The following RFLNA variants were observed in gnomAD, a reference collection of about 807,000 sequenced individuals.
RFLNA encodes the protein refilin A.
RFLNA carries 5 observed loss-of-function variants against 7.8 expected under a neutral mutation model. That is an observed-to-expected ratio of 0.64 (90% confidence interval 0.34 to 1.35). The LOEUF is 1.35. Among genes scored for constraint, RFLNA ranks in the 40% most tolerant of loss-of-function variants. The pLI is 0.04. For missense variants in RFLNA, 278 were observed against 305.5 expected (o/e 0.91, Z 0.67); for synonymous variants, 141 against 131.3 (o/e 1.07, Z -0.50).
At chr12:124,307,669 G>T (rs11057579) in intron 1 of RFLNA, among the ~76,000 whole-genome samples, 7,494 of 152,290 alleles carry the variant, frequency 0.049, 261 homozygotes, top group East Asian at 0.15. Flanking sequence ...CTTCACGGAG[G>T]GCTGGGCGGC....
At chr12:124,296,654 G>C (rs546320250) in intron 1 of RFLNA, among the ~76,000 whole-genome samples, 1 of 152,334 alleles carries the variant, frequency 6.6e-6, no homozygotes, top group Non-Finnish European at 1.5e-5. Context: ...GCGGAAAGGA[G>C]CGGCTCCCCG....
intron 1 of RFLNA, among the ~76,000 whole-genome samples, chr12:124,301,635 C>T (rs1010810459): frequency 2.6e-5 from 4 of 152,086 alleles, no homozygotes; most frequent in African/African-American, 4.8e-5. Context: ...GGTCTGGGTT[C>T]GCCATTTTTT....
chr12:124,289,967 C>T lies in RFLNA; in HGVS notation c.-37+597C>T, dbSNP rs1164750233. On this transcript the variant is annotated intron_variant, in intron 1 of 2. Coordinates refer to the RFLNA transcript ENST00000324038. This position sits in a 1 kb window ranked among gnomAD's most constrained non-coding sequence, Gnocchi z 5.0. ...TGACCACATGCCCGGCTGGACAGCTCAGACAGGGCCTGTAAGGAGCGTGTG... is the reference window on the plus strand; with the variant it reads ...TGACCACATGCCCGGCTGGACAGCTTAGACAGGGCCTGTAAGGAGCGTGTG... 6.6e-6 allele frequency among the ~76,000 whole-genome samples: 1 copy of T among 152,212 alleles called. No individual in the cohort carries two copies. The highest frequency in any genetic ancestry group is 1.5e-5 in the Non-Finnish European group (1 of 68,026).
At chr12:124,298,867 G>A (rs1327635707) in intron 1 of RFLNA, among the ~76,000 whole-genome samples, 2 of 152,344 alleles carry the variant, frequency 1.3e-5, no homozygotes, top group African/African-American at 2.4e-5. Flanking sequence ...ATGTGCAAAG[G>A]TCCTGAGGCA....
At chr12:124,313,798 G>C (rs2034297981) in intron 2 of RFLNA, among the ~76,000 whole-genome samples, 1 of 152,142 alleles carries the variant, frequency 6.6e-6, no homozygotes. Context: ...ACTTCAGTGT[G>C]TCTCTTAAGA....
At chr12:124,294,399 C>T (rs79394789), upstream of RFLNA, among the ~76,000 whole-genome samples, 5 of 152,104 alleles carry the variant, frequency 3.3e-5, no homozygotes, top group South Asian at 1.0e-3. Context: ...TGTGGCTGGG[C>T]GCTGGAAATG....
In RFLNA at chr12:124,296,968, TC is replaced by T. The variant is rs2033940257; in HGVS notation, c.207+1334del. On this transcript the variant is annotated intron_variant, in intron 1 of 2. Transcript: ENST00000546355. ...GCGGGTGGAAGGGGCAGTGAGGACT[TC>T]CAGGAGTTGATAGAGGTGACCAGGG... Among the ~76,000 whole-genome samples, 4 of 152,292 alleles carry T rather than the reference TC, an allele frequency of 2.6e-5. No individual in the cohort carries two copies. The South Asian group carries it at 8.3e-4, about 32-fold the overall frequency.
intron 1 of RFLNA, among the ~76,000 whole-genome samples, chr12:124,300,663 G>T (rs2034012403): frequency 6.6e-6 from 1 of 151,296 alleles, no homozygotes; most frequent in Non-Finnish European, 1.5e-5. Flanking sequence ...TGGGCAAATA[G>T]ATAGAAGGAT....
At chr12:124,297,383 G>A (rs1017412740) in intron 1 of RFLNA, among the ~76,000 whole-genome samples, 3 of 152,112 alleles carry the variant, frequency 2.0e-5, no homozygotes, top group Admixed American at 1.3e-4. Flanking sequence ...AAAGCCCGGG[G>A]CTGTTTCCTC....
intron 1 of RFLNA, among the ~76,000 whole-genome samples, chr12:124,296,794 A>T (rs2033937365): frequency 6.6e-6 from 1 of 152,182 alleles, no homozygotes; most frequent in Non-Finnish European, 1.5e-5. Flanking sequence ...CCGCCCAGAT[A>T]GTCTCACTGA....
chr12:124,310,479 T>C (rs2034222930), intron 1 of RFLNA, among the ~76,000 whole-genome samples: 2 of 134,782 alleles, frequency 1.5e-5, no homozygotes, highest in African/African-American at 2.9e-5. Context: ...GAATCAGCAA[T>C]GGGCTGAGCT....
At chr12:124,293,206 C>T (rs1281670479), upstream of RFLNA, among the ~76,000 whole-genome samples, 1 of 152,166 alleles carries the variant, frequency 6.6e-6, no homozygotes, top group Non-Finnish European at 1.5e-5. Context: ...GGATTACAGG[C>T]GTGAGCCACC....
rs1403327033 is a variant in RFLNA, at chr12:124,315,027, C to T, written c.*502C>T. 3.9e-6 allele frequency: 1 copy of T among 256,458 alleles called. No homozygotes were observed. Among genetic ancestry groups the T allele is most frequent in the African/African-American group, 2.2e-5 (1 of 44,984 alleles). 15.9% of individuals were successfully genotyped at this position (256,458 alleles called of 1,614,324 possible). On this transcript the variant is annotated 3_prime_UTR_variant, in exon 3 of 3. Coordinates refer to ENST00000546355, the MANE Select transcript of RFLNA (RefSeq NM_001365156.1). ...CCCTGCTGCTGGCCTGGGGTATTTC[C>T]AAAACAGCCTTTTCGCACACATGCA...
chr12:124,297,951 C>T (rs2033960097), intron 1 of RFLNA, among the ~76,000 whole-genome samples: 1 of 152,178 alleles, frequency 6.6e-6, no homozygotes, highest in South Asian at 2.1e-4. Context: ...GTGCAAATAT[C>T]GGCACCCCAT....
At position 124,296,072 on chromosome 12, in the gene RFLNA, T is replaced by TTTTCTTTCTTTCTTC. The variant is rs1213737495; in HGVS notation, c.207+450_207+451insCTTTCTTTCTTTCTT. Among the ~76,000 whole-genome samples the TTTTCTTTCTTTCTTC allele has an allele frequency of 3.7e-3, 349 of 94,716 alleles. 46 individuals are homozygous for TTTTCTTTCTTTCTTC. Among genetic ancestry groups the TTTTCTTTCTTTCTTC allele is most frequent in the African/African-American group, 0.01 (207 of 20,276 alleles). The allele number at this position is 94,716 out of a possible 152,430, so 62.1% of individuals were successfully genotyped here. A position where few individuals can be genotyped will look rare whatever the true frequency, so the allele number is the denominator to read the frequency against. On this transcript the variant is annotated intron_variant, in intron 1 of 2. Coordinates refer to ENST00000546355, the MANE Select transcript of RFLNA (RefSeq NM_001365156.1). ...TCCGGGCGCTGCCAATGTGAAAGCC[T>TTTTCTTTCTTTCTTC]TTTCTTTCTTTCTTTCTTTCTTTCT...
intron 1 of RFLNA, among the ~76,000 whole-genome samples, chr12:124,309,473 C>T (rs1023922900): frequency 2.0e-5 from 3 of 152,210 alleles, no homozygotes; most frequent in South Asian, 2.1e-4. Flanking sequence ...GTGAGCTGAA[C>T]GAAAGGCGTT....
At chr12:124,309,285 C>T (rs2034193902) in intron 1 of RFLNA, among the ~76,000 whole-genome samples, 2 of 152,202 alleles carry the variant, frequency 1.3e-5, no homozygotes, top group Admixed American at 1.3e-4. Flanking sequence ...CTTCTCGTGC[C>T]CTCATTGCCC....
intron 1 of RFLNA, chr12:124,311,607 G>T: frequency 2.1e-6 from 1 of 482,082 alleles, no homozygotes; most frequent in South Asian, 2.9e-5. Context: ...TGGAGAGCTG[G>T]GCAGATCCCT....
intron 2 of RFLNA, among the ~76,000 whole-genome samples, chr12:124,313,042 C>A (rs1391689710): frequency 6.6e-6 from 1 of 152,206 alleles, no homozygotes; most frequent in Non-Finnish European, 1.5e-5. Flanking sequence ...AGGCAATGGT[C>A]CCAGGAGACA....
Sources: gnomAD v4.1 joint callset for allele counts (sites outside exome capture counted in the v4.1 genomes callset) on GRCh38, gnomAD v4.1.1 for gene constraint, Gnocchi (gnomAD v3.1) non-coding constraint, MANE v1.5 for transcripts, NCBI Gene and HGNC (gene_info 2026-07-23, HGNC 2026-07-21) for gene names.